The following CCDC7 variants were observed in gnomAD, a reference collection of about 807,000 sequenced individuals.
CCDC7 encodes the protein coiled-coil domain-containing protein 7.
In CCDC7, 183 loss-of-function variants were observed where a neutral mutation model predicts 196.9. That is an observed-to-expected ratio of 0.93 (90% confidence interval 0.82 to 1.05). The LOEUF (loss-of-function observed/expected upper bound fraction) is 1.05, where lower values mean the gene tolerates loss of function less well. CCDC7 is among the 50% of genes least tolerant of loss of function. The probability of loss-of-function intolerance (pLI) is 0.00; values close to 1 mark genes in which losing one functional copy is unlikely to be tolerated. For missense variants in CCDC7, 1,540 were observed against 1,482.2 expected (o/e 1.04, Z -0.64); for synonymous variants, 525 against 484.6 (o/e 1.08, Z -1.10).
chr10:32,474,346 C>T (rs904264719), intron 8 of CCDC7, among the ~76,000 whole-genome samples: 56 of 150,908 alleles, frequency 3.7e-4, no homozygotes, highest in African/African-American at 1.3e-3. Flanking sequence ...CCCTCAGCCT[C>T]CCAAGTAGCT....
At chr10:32,663,949 G>A (rs2072080174) in intron 20 of CCDC7, 105 bp from the exon 22 acceptor site, 1 of 363,822 alleles carries the variant, frequency 2.7e-6, no homozygotes, top group Admixed American at 5.1e-5. Flanking sequence ...TATTTTACAT[G>A]TATAAAAATG....
intron 23 of CCDC7, among the ~76,000 whole-genome samples, chr10:32,694,314 T>C (rs762500616): frequency 3.9e-5 from 6 of 152,228 alleles, no homozygotes; most frequent in Admixed American, 2.0e-4. Flanking sequence ...GTTTTGGGTC[T>C]TTATTTAGAA....
intron 21 of CCDC7, among the ~76,000 whole-genome samples, chr10:32,679,977 G>A (rs527367454): frequency 6.6e-6 from 1 of 152,284 alleles, no homozygotes; most frequent in South Asian, 2.1e-4. Context: ...CTTCTATTAT[G>A]TTTACAATGT....
chr10:32,828,201 T>C (rs891307913), intron 32 of CCDC7, among the ~76,000 whole-genome samples: 3 of 152,082 alleles, frequency 2.0e-5, no homozygotes, highest in African/African-American at 7.2e-5. Context: ...TGCCTTTTTT[T>C]ATCTGAACCA....
chr10:32,846,377 G>C (rs144109242), exon 37 of CCDC7: 22 of 1,537,186 alleles, frequency 1.4e-5, no homozygotes, highest in Non-Finnish European at 1.8e-5. Flanking sequence ...ATTCTATAGA[G>C]ACTGATAAAG....
rs190003182 is a variant in CCDC7, at chr10:32,638,543, T to C, written c.2014+3385T>C. Reference sequence around the variant, plus strand: ...ATGCTGGATTACATTTATTGATTTGTGTATGTTGAACCAGCCTTGCATCCC... The same window carrying C: ...ATGCTGGATTACATTTATTGATTTGCGTATGTTGAACCAGCCTTGCATCCC... On this transcript the variant is annotated intron_variant, in intron 20 of 41. Transcript: ENST00000639629. 7.9e-3 allele frequency among the ~76,000 whole-genome samples: 1,206 copies of C among 152,306 alleles called. 7 individuals are homozygous for C. Among genetic ancestry groups the C allele is most frequent in the Middle Eastern group, 0.02 (6 of 294 alleles).
exon 3 of CCDC7, chr10:32,456,279 C>T (rs766040932): frequency 6.4e-7 from 1 of 1,568,894 alleles, no homozygotes; most frequent in Non-Finnish European, 8.7e-7. Flanking sequence ...TCATTCTTGA[C>T]ATATTGTTCG....
At chr10:32,596,761 A>G (rs551916536) in intron 18 of CCDC7, among the ~76,000 whole-genome samples, 1 of 152,222 alleles carries the variant, frequency 6.6e-6, no homozygotes, top group Non-Finnish European at 1.5e-5. Flanking sequence ...TCTGTAAAGT[A>G]TTTTATTTCT....
At chr10:32,796,449 A>G (rs1178292528) in intron 29 of CCDC7, among the ~76,000 whole-genome samples, 1 of 152,192 alleles carries the variant, frequency 6.6e-6, no homozygotes, top group African/African-American at 2.4e-5. Context: ...GGCTGCAACT[A>G]TGTGCAAAGG....
chr10:32,496,024 A>T (rs2042865762), intron 9 of CCDC7, among the ~76,000 whole-genome samples: 1 of 152,172 alleles, frequency 6.6e-6, no homozygotes, highest in Non-Finnish European at 1.5e-5. Flanking sequence ...CCTATCTATG[A>T]GCATGGAATG....
chr10:32,778,223 A>C (rs1165936485), intron 28 of CCDC7, among the ~76,000 whole-genome samples: 1 of 152,092 alleles, frequency 6.6e-6, no homozygotes, highest in African/African-American at 2.4e-5. Flanking sequence ...TTTTTATTGC[A>C]ATTGCTTTTG....
chr10:32,617,039 AATTT>A (rs2062856393), intron 18 of CCDC7, among the ~76,000 whole-genome samples: 1 of 151,996 alleles, frequency 6.6e-6, no homozygotes, highest in African/African-American at 2.4e-5. Flanking sequence ...TGTTTCCAGA[AATTT>A]ATTTATTTCC....
At position 32,566,050 on chromosome 10, in the gene CCDC7, GA is replaced by G. The variant is rs1180989603; in HGVS notation, c.1197+437del. Among the ~76,000 whole-genome samples the G allele has an allele frequency of 4.0e-5, 6 of 151,866 alleles. No individual in the cohort carries two copies. The East Asian group carries it at 9.6e-4, about 24-fold the overall frequency. ...TTAGTTAAATAATACAACAAGAAATGAAAAAAAGCTATAAGCATTTCATAAA... is the reference window on the plus strand; with the variant it reads ...TTAGTTAAATAATACAACAAGAAATGAAAAAAGCTATAAGCATTTCATAAA... On this transcript the variant is annotated intron_variant, in intron 14 of 41. Transcript: ENST00000639629.
At chr10:32,799,677 G>C (rs2084372075) in intron 29 of CCDC7, among the ~76,000 whole-genome samples, 1 of 152,166 alleles carries the variant, frequency 6.6e-6, no homozygotes, top group Non-Finnish European at 1.5e-5. Flanking sequence ...TTTTACTGAG[G>C]TAAAAGGTCC....
chr10:32,544,517 C>A (rs920194812), intron 13 of CCDC7: 16 of 344,634 alleles, frequency 4.6e-5, no homozygotes, highest in African/African-American at 6.4e-5. Flanking sequence ...AAATGTCAAA[C>A]CCAGGCATAT....
chr10:32,552,610 C>G (rs2053651092), intron 13 of CCDC7, among the ~76,000 whole-genome samples: 1 of 152,104 alleles, frequency 6.6e-6, no homozygotes, highest in African/African-American at 2.4e-5. Flanking sequence ...GTAGTGGTGG[C>G]TTGGTAATGG....
At chr10:32,835,937 G>C (rs370083962) in intron 33 of CCDC7, among the ~76,000 whole-genome samples, 2 of 152,088 alleles carry the variant, frequency 1.3e-5, no homozygotes, top group Non-Finnish European at 2.9e-5. Flanking sequence ...AGACTAACTT[G>C]TGAATGTGAT....
At chr10:32,669,077 A>T (rs1239825136) in intron 21 of CCDC7, among the ~76,000 whole-genome samples, 1 of 152,092 alleles carries the variant, frequency 6.6e-6, no homozygotes, top group African/African-American at 2.4e-5. Flanking sequence ...CAATCCTCCT[A>T]TACCTAACTG....
chr10:32,689,575 C>T (rs2076840399), intron 23 of CCDC7, among the ~76,000 whole-genome samples: 1 of 152,086 alleles, frequency 6.6e-6, no homozygotes, highest in Admixed American at 6.5e-5. Flanking sequence ...GAAAGGTAAC[C>T]TAGGACACCT....
Sources: allele counts gnomAD v4.1 joint callset (sites outside exome capture counted in the v4.1 genomes callset), GRCh38; gene constraint gnomAD v4.1.1; transcripts MANE v1.5; gene names NCBI Gene and HGNC (gene_info 2026-07-23, HGNC 2026-07-21).